HELZ: variants seen among roughly 807,000 people sequenced by gnomAD.
HELZ encodes helicase with zinc finger.
Under a neutral mutation model 218.2 loss-of-function variants are expected in HELZ, and 23 were observed. The ratio of observed to expected loss-of-function variants is 0.11; its 90% confidence interval spans 0.08 to 0.15. HELZ has a LOEUF of 0.15. HELZ is among the 10% of genes least tolerant of loss of function. The pLI is 1.00. For missense variants in HELZ, 1,813 were observed against 2,353.7 expected (o/e 0.77, Z 4.75); for synonymous variants, 814 against 829.4 (o/e 0.98, Z 0.32).
intron 13 of HELZ, among the ~76,000 whole-genome samples, chr17:67,171,308 C>T (rs1299221917): frequency 2.0e-5 from 3 of 151,920 alleles, no homozygotes; most frequent in Middle Eastern, 6.8e-3. Flanking sequence ...GCCCTTTAAA[C>T]TCAGTATATG....
intron 32 of HELZ, among the ~76,000 whole-genome samples, chr17:67,080,032 CA>C (rs1286920407): frequency 1.3e-5 from 2 of 149,172 alleles, no homozygotes; most frequent in Non-Finnish European, 3.0e-5. Flanking sequence ...TTTTACTAAG[CA>C]AATCCATGAA....
At position 67,167,776 on chromosome 17, in the gene HELZ, A is replaced by G; in HGVS notation, c.1451T>C (p.Leu484Ser). ...GAGCATGAAGCTTGCCAGAATCTGC[A>G]ATTGCACTTTAAGGTTGAACCTAAA... ...EISKFNLKVQ[L>S]QILASFMLTG... The change falls in exon 14 of 33, where the codon TTG (leucine) becomes TCG (serine). Residue 484 changes from leucine (L) to serine (S), a missense_variant. Physicochemically the swap from Leu to Ser is moderately radical, Grantham distance 145 (BLOSUM62 -2). This residue lies in a region of HELZ where 714 missense variants were observed against 1,029.2 expected (regional missense o/e 0.69). Transcript: ENST00000358691. 6.2e-7 allele frequency: 1 copy of G among 1,610,250 alleles called. No individual in the cohort carries two copies. Among genetic ancestry groups the G allele is most frequent in the Non-Finnish European group, 8.5e-7 (1 of 1,177,300 alleles).
chr17:67,107,562 T>C lies in HELZ; in HGVS notation c.4848A>G (p.Pro1616=). Residue 1616 remains proline (P), a synonymous_variant, in exon 31 of 33, where the codon CCA becomes CCG. Transcript: ENST00000358691. ...QYRQVQSRSP[P]AVPSPPSSTD... is the part of the protein sequence containing the mutation. ...TACTGGATGGGGGAGATGGGACTGCTGGTGGGCTTCTACTCTGTACTTGTC... is the reference window on the plus strand; with the variant it reads ...TACTGGATGGGGGAGATGGGACTGCCGGTGGGCTTCTACTCTGTACTTGTC... 2 of 1,614,186 alleles carry C rather than the reference T, an allele frequency of 1.2e-6. No individual in the cohort carries two copies. Among genetic ancestry groups the C allele is most frequent in the Non-Finnish European group, 1.7e-6 (2 of 1,180,026 alleles).
At chr17:67,087,133 C>A (rs1429730308) in intron 31 of HELZ, 52 bp from the exon 32 acceptor site, 1 of 1,567,694 alleles carries the variant, frequency 6.4e-7, no homozygotes, top group Admixed American at 1.7e-5. Flanking sequence ...GTGCCATAGT[C>A]CTCTCTCTTT....
At chr17:67,088,640 T>G (rs1051962905) in intron 31 of HELZ, among the ~76,000 whole-genome samples, 2 of 152,222 alleles carry the variant, frequency 1.3e-5, no homozygotes, top group African/African-American at 4.8e-5. Context: ...TCTTAGCTAT[T>G]GAATGGAGGA....
intron 3 of HELZ, among the ~76,000 whole-genome samples, chr17:67,238,369 A>G (rs998313309): frequency 5.8e-4 from 88 of 151,318 alleles, no homozygotes; most frequent in African/African-American, 2.1e-3. Flanking sequence ...AAAAAAAAAA[A>G]AGGAAGAAAA....
At chr17:67,237,345 CTTAT>C (rs1263636187) in intron 3 of HELZ, among the ~76,000 whole-genome samples, 1 of 152,116 alleles carries the variant, frequency 6.6e-6, no homozygotes, top group African/African-American at 2.4e-5. Context: ...TAACAATTTA[CTTAT>C]TTATTACTTT....
In HELZ at chr17:67,087,073, G is replaced by A. The variant is rs2036416369; in HGVS notation, c.5250C>T (p.Pro1750=). 1 of 1,613,782 alleles carries A rather than the reference G, an allele frequency of 6.2e-7. No homozygotes were observed. The highest frequency in any genetic ancestry group is 1.1e-5 in the South Asian group (1 of 91,068). The stretch of plus-strand genomic sequence containing the variant: ...GGTACAAGGGCCGACCAGGTCCTCT[G>A]GGCTCATACTACACAAAGAAAAAGA... The part of the protein sequence containing the change: ...SSLPSLEEYE[P]RGPGRPLYQR... The change falls in exon 32 of 33, where the codon CCC becomes CCT. Residue 1750 remains proline (P), a synonymous_variant. Transcript: ENST00000358691.
intron 31 of HELZ, among the ~76,000 whole-genome samples, chr17:67,091,670 A>G (rs1028307430): frequency 6.6e-6 from 1 of 152,180 alleles, no homozygotes; most frequent in African/African-American, 2.4e-5. Context: ...CTTTAAACAT[A>G]TAATTTAAAA....
intron 31 of HELZ, 91 bp downstream of exon 31, chr17:67,107,078 A>G (rs1197436707): frequency 1.2e-5 from 14 of 1,195,524 alleles, no homozygotes; most frequent in Middle Eastern, 2.0e-4. Flanking sequence ...GTTAAATTCA[A>G]TAAGATCTGT....
chr17:67,124,903 A>T (rs2037732925), intron 24 of HELZ, among the ~76,000 whole-genome samples: 1 of 152,116 alleles, frequency 6.6e-6, no homozygotes. Context: ...CCATGGGCTA[A>T]AAGTAACACG....
In HELZ at chr17:67,073,636, C is replaced by T. The variant is rs570052434; in HGVS notation, c.*4616G>A. The stretch of plus-strand genomic sequence containing the variant: ...CCTCCCTCCAAAAAATTTTTAGAAA[C>T]TCTGGTGACTGTTTCCTTAAACTTC... On this transcript the variant is annotated 3_prime_UTR_variant, in exon 33 of 33. Transcript: ENST00000358691. 1.3e-5 allele frequency: 2 copies of T among 152,094 alleles called. No homozygotes were observed. Among genetic ancestry groups the T allele is most frequent in the Non-Finnish European group, 2.9e-5 (2 of 68,020 alleles). 9.4% of individuals were successfully genotyped at this position (152,094 alleles called of 1,614,324 possible).
intron 31 of HELZ, among the ~76,000 whole-genome samples, chr17:67,103,942 C>T (rs186319425): frequency 2.1e-3 from 325 of 152,316 alleles, no homozygotes; most frequent in Non-Finnish European, 3.5e-3. Context: ...ATAAACCCAG[C>T]ATCTACAGTC....
At chr17:67,220,434 C>T (rs1023382210) in intron 3 of HELZ, among the ~76,000 whole-genome samples, 3 of 152,196 alleles carry the variant, frequency 2.0e-5, no homozygotes, top group African/African-American at 7.2e-5. Flanking sequence ...GGGATTTACA[C>T]ATGTGGTACA....
chr17:67,201,044 A>T, intron 7 of HELZ, 85 bp downstream of exon 7: 1 of 1,042,654 alleles, frequency 9.6e-7, no homozygotes, highest in Non-Finnish European at 1.5e-6. Context: ...CTGATGCCAC[A>T]ATGGTTTTCC....
intron 9 of HELZ, among the ~76,000 whole-genome samples, chr17:67,191,837 G>C (rs1016815078): frequency 1.3e-5 from 2 of 149,010 alleles, no homozygotes; most frequent in Non-Finnish European, 3.0e-5. Context: ...TATAGGCAAA[G>C]CCAGTTTTTA....
intron 31 of HELZ, among the ~76,000 whole-genome samples, chr17:67,094,399 G>C (rs2036675559): frequency 6.6e-6 from 1 of 151,760 alleles, no homozygotes; most frequent in Non-Finnish European, 1.5e-5. Context: ...GAGAGAGAGA[G>C]AGAGAGAGAT....
chr17:67,153,541 C>G (rs1246001565), intron 17 of HELZ, among the ~76,000 whole-genome samples: 1 of 152,168 alleles, frequency 6.6e-6, no homozygotes, highest in Non-Finnish European at 1.5e-5. Context: ...CCTGTTCTTC[C>G]CCTCTCTAAG....
At chr17:67,235,288 C>T (rs1213043698) in intron 3 of HELZ, among the ~76,000 whole-genome samples, 3 of 151,948 alleles carry the variant, frequency 2.0e-5, no homozygotes, top group Non-Finnish European at 2.9e-5. Context: ...GGGTGGATCA[C>T]GAGGTCAGAA....
Sources: allele counts gnomAD v4.1 joint callset (sites outside exome capture counted in the v4.1 genomes callset), GRCh38; gene constraint gnomAD v4.1.1; regional missense constraint gnomAD v4.1.1; transcripts MANE v1.5; gene names NCBI Gene and HGNC (gene_info 2026-07-23, HGNC 2026-07-21).